TMTC3: variants seen among roughly 807,000 people sequenced by gnomAD.
TMTC3 encodes the protein protein O-mannosyl-transferase TMTC3.
Under a neutral mutation model 92.2 loss-of-function variants are expected in TMTC3, and 52 were observed. The ratio of observed to expected loss-of-function variants is 0.56; its 90% confidence interval spans 0.45 to 0.71. The LOEUF is 0.71. Ranked by LOEUF, TMTC3 falls within the 30% of genes least tolerant of loss-of-function variation. The pLI, the probability that TMTC3 is intolerant of heterozygous loss-of-function variation, is 0.00. For missense variants in TMTC3, 896 were observed against 1,057.1 expected (o/e 0.85, Z 2.11); for synonymous variants, 339 against 363.3 (o/e 0.93, Z 0.76).
In TMTC3 at chr12:88,196,545, A is replaced by G. The variant is rs1319545516; in HGVS notation, c.*896A>G. 1 of 151,824 alleles carries G rather than the reference A, an allele frequency of 6.6e-6. No individual in the cohort carries two copies. Among genetic ancestry groups the G allele is most frequent in the East Asian group, 1.9e-4 (1 of 5,194 alleles). 9.4% of individuals were successfully genotyped at this position (151,824 alleles called of 1,614,324 possible). On this transcript the variant is annotated 3_prime_UTR_variant, in exon 14 of 14. Transcript: ENST00000266712. Reference sequence around the variant, plus strand: ...TGTTAGCTCTGTAGTCTTAACCTGGATTTTAATTTTTTTGTTTCCAAAGTC... The same window carrying G: ...TGTTAGCTCTGTAGTCTTAACCTGGGTTTTAATTTTTTTGTTTCCAAAGTC...
chr12:88,167,575 T>C (rs1000707736), intron 7 of TMTC3, among the ~76,000 whole-genome samples: 7 of 152,198 alleles, frequency 4.6e-5, no homozygotes, highest in Non-Finnish European at 1.0e-4. Flanking sequence ...CTTTGTACAG[T>C]GCAGCATTTT....
chr12:88,184,937 G>A (rs920044259), intron 10 of TMTC3, among the ~76,000 whole-genome samples: 4 of 152,166 alleles, frequency 2.6e-5, no homozygotes, highest in Admixed American at 6.5e-5. Context: ...AGCAACCTTC[G>A]CACATATACT....
chr12:88,160,447 A>G (rs780536529), intron 5 of TMTC3, among the ~76,000 whole-genome samples: 5 of 152,144 alleles, frequency 3.3e-5, no homozygotes, highest in Admixed American at 6.5e-5. Flanking sequence ...TTAAATTTCA[A>G]TAATGGAATC....
Position 88,195,240 on chromosome 12 carries a change from T to G in TMTC3, c.2336T>G (p.Val779Gly). Residue 779 changes from valine to glycine, a missense_variant, in exon 14 of 14, where the codon GTT (valine) becomes GGT (glycine). Val to Gly is a moderately radical substitution (Grantham distance 109). Coordinates refer to ENST00000266712, the MANE Select transcript of TMTC3 (RefSeq NM_181783.4). Reference sequence around the variant, plus strand: ...GTGCAAGGAAAACACAATCTTTGTGTTGTTTATTTTGAAGAAAAAGACTTA... The same window carrying G: ...GTGCAAGGAAAACACAATCTTTGTGGTGTTTATTTTGAAGAAAAAGACTTA... Reference protein sequence around the residue: ...SNVQGKHNLCVVYFEEKDLLK... With the variant: ...SNVQGKHNLCGVYFEEKDLLK... 1 of 1,613,896 alleles carries G rather than the reference T, an allele frequency of 6.2e-7. No homozygotes were observed. Among genetic ancestry groups the G allele is most frequent in the Non-Finnish European group, 8.5e-7 (1 of 1,179,936 alleles).
chr12:88,195,693 G>T lies in TMTC3; in HGVS notation c.*44G>T, dbSNP rs369763674. ...CAATGGTATCAAAGAACATCAATCC[G>T]TATCATGTGATTGCTTTTACTGGGA... On this transcript the variant is annotated 3_prime_UTR_variant, in exon 14 of 14. Coordinates refer to ENST00000266712, the MANE Select transcript of TMTC3 (RefSeq NM_181783.4). 1.3e-6 allele frequency: 2 copies of T among 1,485,134 alleles called. No homozygotes were observed. The highest frequency in any genetic ancestry group is 2.3e-5 in the East Asian group (1 of 43,714). 92.0% of individuals were successfully genotyped at this position (1,485,134 alleles called of 1,614,324 possible). A position where few individuals can be genotyped will look rare whatever the true frequency, so the allele number is the denominator to read the frequency against.
chr12:88,149,822 G>A (rs1462289024), intron 2 of TMTC3, among the ~76,000 whole-genome samples: 1 of 151,480 alleles, frequency 6.6e-6, no homozygotes, highest in Admixed American at 6.6e-5. Flanking sequence ...TCTAGCTTTT[G>A]AAAAAAAATC....
intron 10 of TMTC3, 85 bp downstream of exon 10, chr12:88,176,404 A>G (rs2041260319): frequency 1.0e-6 from 1 of 971,256 alleles, no homozygotes; most frequent in East Asian, 2.8e-5. Flanking sequence ...TAGTTTATTT[A>G]CTAGCTTTAT....
chr12:88,172,857 T>C, intron 8 of TMTC3, 112 bp downstream of exon 8: 1 of 1,482,420 alleles, frequency 6.7e-7, no homozygotes, highest in East Asian at 2.5e-5. Flanking sequence ...ATCTTTTGGT[T>C]TTTCATCTCC....
chr12:88,180,862 T>C (rs767940637), intron 10 of TMTC3, among the ~76,000 whole-genome samples: 1 of 152,218 alleles, frequency 6.6e-6, no homozygotes, highest in Non-Finnish European at 1.5e-5. Flanking sequence ...ACAGGTTTTA[T>C]GTTTTGAAGA....
chr12:88,180,286 C>G (rs1297504978), intron 10 of TMTC3, among the ~76,000 whole-genome samples: 1 of 152,130 alleles, frequency 6.6e-6, no homozygotes, highest in East Asian at 1.9e-4. Context: ...GCACCTCAGT[C>G]CAGTGTGTGT....
intron 10 of TMTC3, among the ~76,000 whole-genome samples, chr12:88,186,408 G>A (rs897326085): frequency 6.6e-6 from 1 of 152,154 alleles, no homozygotes; most frequent in African/African-American, 2.4e-5. Flanking sequence ...TATTAGAGAT[G>A]TGAGGAGAGA....
At chr12:88,190,939 CTTACAT>C (rs1024585146) in intron 12 of TMTC3, among the ~76,000 whole-genome samples, 55 of 152,202 alleles carry the variant, frequency 3.6e-4, no homozygotes, top group African/African-American at 1.3e-3. Flanking sequence ...AAACTTGAAA[CTTACAT>C]TTTATAATAG....
chr12:88,180,347 G>C (rs2041303576), intron 10 of TMTC3, among the ~76,000 whole-genome samples: 1 of 152,148 alleles, frequency 6.6e-6, no homozygotes, highest in African/African-American at 2.4e-5. Flanking sequence ...TAGCCAAGCA[G>C]TTACGTTATT....
At chr12:88,180,806 A>G (rs1156661142) in intron 10 of TMTC3, among the ~76,000 whole-genome samples, 6 of 152,176 alleles carry the variant, frequency 3.9e-5, no homozygotes, top group Non-Finnish European at 8.8e-5. Context: ...TCAACAAATC[A>G]TTTGGACCAC....
chr12:88,160,518 A>G (rs1351884986), intron 5 of TMTC3, among the ~76,000 whole-genome samples, 161 bp from the exon 6 acceptor site: 1 of 152,118 alleles, frequency 6.6e-6, no homozygotes, highest in Non-Finnish European at 1.5e-5. Flanking sequence ...ATTAGGTAAG[A>G]CTGTTGAGCT....
intron 1 of TMTC3, among the ~76,000 whole-genome samples, chr12:88,144,100 T>A (rs916457099): frequency 2.6e-5 from 4 of 152,188 alleles, no homozygotes; most frequent in Non-Finnish European, 4.4e-5. Flanking sequence ...TTGGTGGGAT[T>A]TGGCTGGCTT....
At chr12:88,188,993 A>G in intron 11 of TMTC3, 47 bp downstream of exon 11, 4 of 1,005,542 alleles carry the variant, frequency 4.0e-6, no homozygotes, top group Middle Eastern at 2.2e-4. Flanking sequence ...TTAGATGTCC[A>G]TATTGAATAG....
chr12:88,189,503 TTAAA>T (rs1457071524), intron 11 of TMTC3, among the ~76,000 whole-genome samples: 13 of 152,306 alleles, frequency 8.5e-5, no homozygotes, highest in South Asian at 4.1e-4. Flanking sequence ...GTTAATGACT[TTAAA>T]TAAATATAAT....
intron 10 of TMTC3, among the ~76,000 whole-genome samples, chr12:88,185,001 G>A (rs999089769): frequency 3.9e-5 from 6 of 152,176 alleles, no homozygotes; most frequent in African/African-American, 1.4e-4. Flanking sequence ...AGAAAAGCAG[G>A]AAGATCATTT....
Sources: gnomAD v4.1 joint callset for allele counts (sites outside exome capture counted in the v4.1 genomes callset) on GRCh38, gnomAD v4.1.1 for gene constraint, MANE v1.5 for transcripts, NCBI Gene and HGNC (gene_info 2026-07-23, HGNC 2026-07-21) for gene names.